The following GSK3B variants were observed in gnomAD, a reference collection of about 807,000 sequenced individuals.
The protein encoded by GSK3B is glycogen synthase kinase-3 beta.
GSK3B carries 15 observed loss-of-function variants against 56.4 expected under a neutral mutation model. The ratio of observed to expected loss-of-function variants is 0.27; its 90% CI spans 0.18 to 0.41. GSK3B has a LOEUF of 0.41. GSK3B is among the 10% of genes least tolerant of loss of function. The pLI, the probability that GSK3B is intolerant of heterozygous loss-of-function variation, is 1.00. For missense variants in GSK3B, 300 were observed against 513.4 expected, an observed-to-expected ratio of 0.58 and a Z score of 4.02; for synonymous variants, 181 against 188.9, an observed-to-expected ratio of 0.96 and a Z score of 0.34.
chr3:119,828,529 T>C, intron 10 of GSK3B, among the ~76,000 whole-genome samples: 1 of 152,358 alleles, frequency 6.6e-6, no homozygotes, highest in East Asian at 1.9e-4. Flanking sequence ...AGAAGTTTTT[T>C]TCTCTCTAGG....
chr3:119,954,315 G>GA (rs879721657), intron 2 of GSK3B, among the ~76,000 whole-genome samples: 1,580 of 128,342 alleles, frequency 0.012, 29 homozygotes, highest in Non-Finnish European at 0.017. Flanking sequence ...AAAAGAAACA[G>GA]AACAGAACAG....
chr3:120,027,259 C>T (rs948812647), intron 1 of GSK3B, among the ~76,000 whole-genome samples: 5 of 151,384 alleles, frequency 3.3e-5, no homozygotes, highest in African/African-American at 1.2e-4. Flanking sequence ...TGCCTGTAAT[C>T]CCAGCTACTC....
At chr3:119,837,360 T>TTTCA (rs2108005475) in intron 10 of GSK3B, among the ~76,000 whole-genome samples, 1 of 148,046 alleles carries the variant, frequency 6.8e-6, no homozygotes, top group African/African-American at 2.5e-5. Context: ...AGAGACGGGG[T>TTTCA]TTCACCATGT....
Position 120,059,688 on chromosome 3 carries a change from C to T in GSK3B, c.88+33659G>A, listed in dbSNP as rs538631094. ...CTATGCCAGTTAGGCCAGAATCTCACAGCAAGCTAGGTTTCCCCCAACCCC... is the reference window on the plus strand; with the variant it reads ...CTATGCCAGTTAGGCCAGAATCTCATAGCAAGCTAGGTTTCCCCCAACCCC... On this transcript the variant is annotated intron_variant, in intron 1 of 10. Coordinates refer to ENST00000264235, the MANE Select transcript of GSK3B (RefSeq NM_001146156.2). Among the ~76,000 whole-genome samples the T allele has an allele frequency of 5.3e-5, 8 of 152,330 alleles. 1 individual carries two copies. In the South Asian group the frequency reaches 1.7e-3, roughly 32 times the overall value.
At chr3:119,894,276 T>C (rs2056537592) in intron 7 of GSK3B, among the ~76,000 whole-genome samples, 1 of 152,138 alleles carries the variant, frequency 6.6e-6, no homozygotes, top group Admixed American at 6.6e-5. Flanking sequence ...TATTAGGATA[T>C]ATACCTACAA....
At chr3:119,997,065 A>G (rs1423489602) in intron 2 of GSK3B, among the ~76,000 whole-genome samples, 5 of 152,218 alleles carry the variant, frequency 3.3e-5, no homozygotes, top group Admixed American at 2.6e-4. Flanking sequence ...TGTTCATCTA[A>G]CAACAGAAAA....
intron 1 of GSK3B, chr3:120,029,309 A>G (rs1335576829): frequency 2.7e-6 from 2 of 743,524 alleles, no homozygotes; most frequent in Admixed American, 1.8e-5. Context: ...TGCAGCGGAC[A>G]ATGATCAGAT....
intron 1 of GSK3B, among the ~76,000 whole-genome samples, chr3:120,016,055 T>C (rs1310007012): frequency 6.6e-6 from 1 of 152,202 alleles, no homozygotes; most frequent in Admixed American, 6.5e-5. Context: ...CTGGTTTCTT[T>C]AGAGCATCAA....
At chr3:120,030,990 AATACACT>A (rs1474308803) in intron 1 of GSK3B, among the ~76,000 whole-genome samples, 11 of 152,216 alleles carry the variant, frequency 7.2e-5, no homozygotes, top group Non-Finnish European at 1.0e-4. Flanking sequence ...AACTCTGTTC[AATACACT>A]ATAACTGTTC....
chr3:119,966,940 T>C (rs1365390518), intron 2 of GSK3B, among the ~76,000 whole-genome samples: 2 of 152,200 alleles, frequency 1.3e-5, no homozygotes, highest in African/African-American at 2.4e-5. Flanking sequence ...GTAAGACTTA[T>C]ACATTGAAAA....
intron 8 of GSK3B, among the ~76,000 whole-genome samples, chr3:119,874,949 T>G (rs2056293650): frequency 1.3e-5 from 2 of 152,100 alleles, no homozygotes; most frequent in South Asian, 4.1e-4. Flanking sequence ...TAAATCCAAG[T>G]AGGCCACCTG....
chr3:119,903,884 AG>A (rs1173760173), intron 7 of GSK3B, among the ~76,000 whole-genome samples: 2 of 152,188 alleles, frequency 1.3e-5, no homozygotes, highest in African/African-American at 4.8e-5. Context: ...TAGGGACAGG[AG>A]AAATGCTGAA....
At chr3:119,949,555 TAGGAGTTATGTTCAGAGAGGC>T in intron 2 of GSK3B, among the ~76,000 whole-genome samples, 1 of 151,862 alleles carries the variant, frequency 6.6e-6, no homozygotes, top group East Asian at 1.9e-4. Flanking sequence ...TTCAGAGAGG[TAGGAGTTATGTTCAGAGAGGC>T]AGGCAGGCAC....
intron 3 of GSK3B, among the ~76,000 whole-genome samples, chr3:119,941,869 T>C (rs2057052746): frequency 6.6e-6 from 1 of 152,196 alleles, no homozygotes; most frequent in Admixed American, 6.5e-5. Flanking sequence ...AGAAATGGAA[T>C]GCAAACTCAA....
intron 1 of GSK3B, among the ~76,000 whole-genome samples, chr3:120,015,510 C>T (rs536425616): frequency 6.1e-4 from 93 of 151,918 alleles, no homozygotes; most frequent in African/African-American, 2.1e-3. Flanking sequence ...ATTAACTGGG[C>T]ATGGTGGCGC....
chr3:120,090,772 CCAA>C (rs2058505695), intron 1 of GSK3B, among the ~76,000 whole-genome samples: 1 of 152,152 alleles, frequency 6.6e-6, no homozygotes, highest in Admixed American at 6.6e-5. Flanking sequence ...TATTCAGCAA[CCAA>C]CAATAAATCC....
chr3:119,975,994 T>G (rs1333213644), intron 2 of GSK3B, among the ~76,000 whole-genome samples: 1 of 152,006 alleles, frequency 6.6e-6, no homozygotes, highest in Non-Finnish European at 1.5e-5. Context: ...CAGCAGAAAA[T>G]GCAAATTAAT....
At chr3:119,875,645 G>A (rs2056303551) in intron 8 of GSK3B, among the ~76,000 whole-genome samples, 1 of 151,882 alleles carries the variant, frequency 6.6e-6, no homozygotes, top group South Asian at 2.1e-4. Flanking sequence ...AAATGAAGAA[G>A]CTAGAGATTC....
chr3:120,040,344 A>G (rs2058055660), intron 1 of GSK3B, among the ~76,000 whole-genome samples: 1 of 152,214 alleles, frequency 6.6e-6, no homozygotes, highest in Admixed American at 6.5e-5. Context: ...CTGACCCGCC[A>G]TCAATGCTAA....
Sources: gnomAD v4.1 joint callset for allele counts (sites outside exome capture counted in the v4.1 genomes callset) on GRCh38, gnomAD v4.1.1 for gene constraint, MANE v1.5 for transcripts, NCBI Gene and HGNC (gene_info 2026-07-23, HGNC 2026-07-21) for gene names.